SLC41A2: variants seen among roughly 807,000 people sequenced by gnomAD.
SLC41A2 encodes solute carrier family 41 member 2, also known as SLC41A1-like 1.
Under a neutral mutation model 58.3 loss-of-function variants are expected in SLC41A2, and 32 were observed. That is an observed-to-expected ratio of 0.55 (90% CI 0.41 to 0.74). SLC41A2 has a LOEUF of 0.74. Among genes scored for constraint, SLC41A2 ranks in the 30% least tolerant of loss-of-function variants. SLC41A2 has a pLI of 0.00. For synonymous variants in SLC41A2, 190 were observed against 235.0 expected (o/e 0.81, Z 1.75); for missense variants, 514 against 680.6 (o/e 0.76, Z 2.72).
In SLC41A2 at chr12:104,889,148, T is replaced by G. The variant is rs764270617; in HGVS notation, c.765A>C (p.Ala255=). ...QVQATVVGFL[A]AVAAIILGWI... ...AGCCCAATATAATTGCTGCCACAGC[T>G]GCTAGAAAACCCACTACTGTTGCCT... The change falls in exon 5 of 11, where the codon GCA becomes GCC. Residue 255 remains alanine (A), a synonymous_variant. Coordinates refer to ENST00000258538, the MANE Select transcript of SLC41A2 (RefSeq NM_001352171.3). 8 of 1,609,572 alleles carry G rather than the reference T, an allele frequency of 5.0e-6. No homozygotes were observed. Among genetic ancestry groups the G allele is most frequent in the Non-Finnish European group, 6.8e-6 (8 of 1,178,818 alleles).
At chr12:104,954,829 A>G (rs2048089761) in intron 1 of SLC41A2, among the ~76,000 whole-genome samples, 1 of 152,004 alleles carries the variant, frequency 6.6e-6, no homozygotes, top group African/African-American at 2.4e-5. Flanking sequence ...CTTTACTTGT[A>G]TTTTCTATAA....
chr12:104,837,966 T>C (rs994837916), intron 10 of SLC41A2, among the ~76,000 whole-genome samples: 1 of 152,234 alleles, frequency 6.6e-6, no homozygotes, highest in African/African-American at 2.4e-5. Context: ...CTCTGAAGAC[T>C]GATATTTCTA....
In SLC41A2 at chr12:104,813,329, A is replaced by G. The variant is rs547966306; in HGVS notation, c.1537-7992T>C. On this transcript the variant is annotated intron_variant, in intron 10 of 10. Coordinates refer to ENST00000258538, the MANE Select transcript of SLC41A2 (RefSeq NM_001352171.3). ...CATGGCTCTGTGAGAAATGACATTT[A>G]TAAGTCATAGTAATAAAACAATTTA... 3.9e-5 allele frequency among the ~76,000 whole-genome samples: 6 copies of G among 152,292 alleles called. No individual in the cohort carries two copies. The South Asian group carries it at 1.2e-3, about 32-fold the overall frequency.
intron 4 of SLC41A2, among the ~76,000 whole-genome samples, chr12:104,894,278 A>T (rs2045172434): frequency 6.6e-6 from 1 of 151,846 alleles, no homozygotes; most frequent in Admixed American, 6.6e-5. Context: ...ACTTGAGCCC[A>T]GGAGGTCAAG....
intron 2 of SLC41A2, among the ~76,000 whole-genome samples, chr12:104,921,286 G>C (rs866394899): frequency 6.6e-6 from 1 of 151,948 alleles, no homozygotes; most frequent in Non-Finnish European, 1.5e-5. Context: ...AATAAGGTCA[G>C]AGAACACCAG....
chr12:104,897,093 T>C (rs1002093519), intron 3 of SLC41A2, among the ~76,000 whole-genome samples: 9 of 151,844 alleles, frequency 5.9e-5, no homozygotes, highest in African/African-American at 1.9e-4. Context: ...ATTCAATACA[T>C]ACCATGGCTC....
At chr12:104,823,080 C>T (rs756893527) in intron 10 of SLC41A2, among the ~76,000 whole-genome samples, 2 of 152,146 alleles carry the variant, frequency 1.3e-5, no homozygotes, top group Non-Finnish European at 2.9e-5. Flanking sequence ...TGAGAAGTGA[C>T]AAGTGTGAAA....
chr12:104,934,410 T>C (rs566743256), intron 1 of SLC41A2, among the ~76,000 whole-genome samples: 1 of 152,320 alleles, frequency 6.6e-6, no homozygotes, highest in South Asian at 2.1e-4. Context: ...TTCTGGACTC[T>C]CTTTGTAAAC....
At chr12:104,871,371 C>A (rs79678492) in intron 6 of SLC41A2, among the ~76,000 whole-genome samples, 2,238 of 152,152 alleles carry the variant, frequency 0.015, 65 homozygotes, top group African/African-American at 0.051. Flanking sequence ...CAGTTACTGG[C>A]CCAATGTTGA....
chr12:104,929,527 G>C (rs904182715), intron 1 of SLC41A2, among the ~76,000 whole-genome samples: 1 of 152,324 alleles, frequency 6.6e-6, no homozygotes, highest in East Asian at 1.9e-4. Context: ...TCAGTGACTA[G>C]AGTCTCTTTG....
intron 10 of SLC41A2, among the ~76,000 whole-genome samples, chr12:104,843,588 C>T (rs1409955819): frequency 1.3e-5 from 2 of 151,968 alleles, no homozygotes; most frequent in African/African-American, 4.8e-5. Context: ...CAGTAATCTC[C>T]AAAAAGCTTT....
chr12:104,886,285 C>A lies in SLC41A2; in HGVS notation c.1027+8G>T. On this transcript the variant is annotated splice_region_variant and intron_variant, in intron 6 of 10. Transcript: ENST00000258538. ...CAACACACAATATTTAGTTTTAAATCAACTTACCAAGACAGGAGTATAAGC... is the reference window on the plus strand; with the variant it reads ...CAACACACAATATTTAGTTTTAAATAAACTTACCAAGACAGGAGTATAAGC... 1.2e-6 allele frequency: 2 copies of A among 1,610,654 alleles called. No homozygotes were observed. The highest frequency in any genetic ancestry group is 1.7e-6 in the Non-Finnish European group (2 of 1,178,578).
rs1565842738 is a variant in SLC41A2 at position 104,853,926 on chromosome 12, T to TTTATTTA, written c.1255+7364_1255+7365insTAAATAA. On this transcript the variant is annotated intron_variant, in intron 8 of 10. Transcript: ENST00000258538. ...TGCCTGGCTGATTTTTTTTTTTTTT[T>TTTATTTA]TTTTTTTTTTTTTAGTAGAACTGAG... Among the ~76,000 whole-genome samples, 308 of 118,928 alleles carry TTTATTTA rather than the reference T, an allele frequency of 2.6e-3. 6 individuals carry two copies. The highest frequency in any genetic ancestry group is 8.9e-3 in the African/African-American group (290 of 32,576). 78.0% of individuals were successfully genotyped at this position (118,928 alleles called of 152,430 possible).
chr12:104,834,087 T>C, intron 10 of SLC41A2: 5 of 985,366 alleles, frequency 5.1e-6, no homozygotes, highest in Non-Finnish European at 6.0e-6. Context: ...TCCCAATGCC[T>C]CACCTCACAG....
At chr12:104,831,708 GT>G (rs2042041505) in intron 10 of SLC41A2, among the ~76,000 whole-genome samples, 1 of 151,974 alleles carries the variant, frequency 6.6e-6, no homozygotes, top group Admixed American at 6.6e-5. Context: ...ACCTTGTCAG[GT>G]GCTTCCCTAT....
intron 8 of SLC41A2, among the ~76,000 whole-genome samples, chr12:104,848,777 A>G (rs2136350617): frequency 6.6e-6 from 1 of 152,262 alleles, no homozygotes; most frequent in African/African-American, 2.4e-5. Flanking sequence ...TAACAAATGA[A>G]TGGAGGAAAA....
chr12:104,853,781 T>C (rs2042894909), intron 8 of SLC41A2, among the ~76,000 whole-genome samples: 2 of 151,952 alleles, frequency 1.3e-5, no homozygotes, highest in South Asian at 2.1e-4. Flanking sequence ...TCCTGCTCTG[T>C]TGCCTAGGTT....
chr12:104,946,955 TCTC>T (rs1262450122), intron 1 of SLC41A2, among the ~76,000 whole-genome samples: 3 of 152,184 alleles, frequency 2.0e-5, no homozygotes, highest in African/African-American at 7.2e-5. Flanking sequence ...TGTAAATACA[TCTC>T]CTTCACTGGT....
chr12:104,824,302 A>G (rs2041758122), intron 10 of SLC41A2, among the ~76,000 whole-genome samples: 1 of 151,806 alleles, frequency 6.6e-6, no homozygotes. Flanking sequence ...CGAGAGGAGC[A>G]CATCAGTGGA....
Sources: gnomAD v4.1 joint callset for allele counts (sites outside exome capture counted in the v4.1 genomes callset) on GRCh38, gnomAD v4.1.1 for gene constraint, MANE v1.5 for transcripts, NCBI Gene and HGNC (gene_info 2026-07-23, HGNC 2026-07-21) for gene names.